ISM1: variants seen among roughly 807,000 people sequenced by gnomAD.
ISM1 encodes the protein isthmin 1.
A neutral mutation model predicts 46.3 loss-of-function variants in ISM1; 25 were observed. The observed-to-expected ratio is 0.54, with a 90% CI of 0.39 to 0.75. The LOEUF (loss-of-function observed/expected upper bound fraction) is 0.75. Among genes scored for constraint, ISM1 ranks in the 30% least tolerant of loss-of-function variants. The pLI is 0.00. For synonymous variants in ISM1, 255 were observed against 256.7 expected (o/e 0.99, Z 0.06); for missense variants, 536 against 625.4 (o/e 0.86, Z 1.52).
chr20:13,259,832 G>A lies in ISM1; in HGVS notation c.139-10672G>A, dbSNP rs146755690. On this transcript the variant is annotated intron_variant, in intron 1 of 5. Transcript: ENST00000262487. ...ATTAAATACTTTGGGGCAGGCCTGT[G>A]CCCCAATACTAAGTGATAAACTTGC... 3.2e-3 allele frequency among the ~76,000 whole-genome samples: 484 copies of A among 152,292 alleles called. 4 individuals carry two copies. The highest frequency in any genetic ancestry group is 0.011 in the African/African-American group (458 of 41,556).
the ISM1 span, among the ~76,000 whole-genome samples, chr20:13,317,129 G>A: frequency 6.6e-6 from 1 of 151,794 alleles, no homozygotes; most frequent in African/African-American, 2.4e-5. Context: ...GTTCATTGCT[G>A]TATACCAACA....
At chr20:13,240,643 T>C (rs1023206094) in intron 1 of ISM1, among the ~76,000 whole-genome samples, 1 of 152,188 alleles carries the variant, frequency 6.6e-6, no homozygotes, top group African/African-American at 2.4e-5. Context: ...GAAGCAGCCA[T>C]TGAAGAGCTT....
intron 4 of ISM1, among the ~76,000 whole-genome samples, chr20:13,290,872 T>C (rs926017020): frequency 6.6e-6 from 1 of 152,232 alleles, no homozygotes; most frequent in Admixed American, 6.5e-5. Flanking sequence ...CATAGAGGAT[T>C]AACTTGCCTA....
chr20:13,278,196 T>C (rs896405665), intron 2 of ISM1, among the ~76,000 whole-genome samples: 1 of 152,166 alleles, frequency 6.6e-6, no homozygotes, highest in Non-Finnish European at 1.5e-5. Flanking sequence ...TAAACAAGTC[T>C]CTCTACGTTG....
At chr20:13,260,899 A>G (rs1476403380) in intron 1 of ISM1, among the ~76,000 whole-genome samples, 1 of 152,122 alleles carries the variant, frequency 6.6e-6, no homozygotes, top group Non-Finnish European at 1.5e-5. Flanking sequence ...CCAGGGCTGG[A>G]TGGTCTAGGA....
chr20:13,314,171 G>C, the ISM1 span, among the ~76,000 whole-genome samples: 12 of 152,016 alleles, frequency 7.9e-5, no homozygotes, highest in Admixed American at 2.6e-4. Context: ...CACATAATGG[G>C]AATACAAGAA....
In ISM1 at chr20:13,221,388, C is replaced by A. The variant is rs959330333; in HGVS notation, c.-389C>A. Among the ~76,000 whole-genome samples, 14 of 147,740 alleles carry A rather than the reference C, an allele frequency of 9.5e-5. No individual in the cohort carries two copies. Among genetic ancestry groups the A allele is most frequent in the Admixed American group, 4.0e-4 (6 of 14,948 alleles). On this transcript the variant is annotated 5_prime_UTR_variant, in exon 1 of 6. Coordinates refer to ENST00000262487, the MANE Select transcript of ISM1 (RefSeq NM_080826.2). ...GGCTCGGCTGCGCCCGCCCCGCCGC[C>A]GACCCCGCAGCCCCCTGCCAGCAGG...
chr20:13,271,043 A>C (rs865818999), intron 2 of ISM1, among the ~76,000 whole-genome samples: 1 of 152,380 alleles, frequency 6.6e-6, no homozygotes, highest in Middle Eastern at 3.4e-3. Flanking sequence ...ATATAAAAGC[A>C]AAACAAAACA....
chr20:13,283,463 G>A lies in ISM1; in HGVS notation c.643+3565G>A, dbSNP rs117139003. On this transcript the variant is annotated intron_variant, in intron 3 of 5. Transcript: ENST00000262487. ...TTAGTAAGAATTTATATATTTGTCC[G>A]CAAGGATTATTTCTAAAAATCCTAG... Among the ~76,000 whole-genome samples the A allele has an allele frequency of 2.0e-4, 31 of 152,210 alleles. No individual in the cohort carries two copies. In the South Asian group the frequency reaches 4.6e-3, roughly 22 times the overall value.
intron 1 of ISM1, among the ~76,000 whole-genome samples, chr20:13,229,158 A>AT (rs578016940): frequency 2.1e-3 from 255 of 122,348 alleles, no homozygotes; most frequent in Non-Finnish European, 3.3e-3. Flanking sequence ...CTCTTTCTGC[A>AT]TTTTTTAAAG....
chr20:13,312,988 A>G, the ISM1 span, among the ~76,000 whole-genome samples: 1 of 152,166 alleles, frequency 6.6e-6, no homozygotes, highest in Non-Finnish European at 1.5e-5. Flanking sequence ...TGGAGGAAGT[A>G]AAATTTGAGC....
chr20:13,242,959 A>C (rs1425706009), intron 1 of ISM1, among the ~76,000 whole-genome samples: 2 of 152,212 alleles, frequency 1.3e-5, no homozygotes, highest in South Asian at 2.1e-4. Flanking sequence ...CGTCAAAACA[A>C]CACCTTGAGG....
At chr20:13,286,284 T>G (rs570146326) in intron 3 of ISM1, among the ~76,000 whole-genome samples, 1 of 151,792 alleles carries the variant, frequency 6.6e-6, no homozygotes, top group East Asian at 1.9e-4. Context: ...CTGGTGCCCT[T>G]GGGGAGGTGA....
intron 1 of ISM1, chr20:13,244,442 G>A (rs1033496994): frequency 5.3e-5 from 8 of 150,834 alleles, no homozygotes; most frequent in South Asian, 2.1e-4. Flanking sequence ...TCACTTATTC[G>A]GACATTACAT....
At chr20:13,326,159 T>C in the ISM1 span, among the ~76,000 whole-genome samples, 1 of 152,242 alleles carries the variant, frequency 6.6e-6, no homozygotes, top group Admixed American at 6.5e-5. Flanking sequence ...TTCTTTTTTA[T>C]TGCTGAGTAG....
downstream of ISM1, among the ~76,000 whole-genome samples, chr20:13,300,845 C>T (rs2040451851): frequency 6.6e-6 from 1 of 152,104 alleles, no homozygotes; most frequent in Non-Finnish European, 1.5e-5. Flanking sequence ...GAGGCTGAGG[C>T]CCATTGACAC....
intron 1 of ISM1, among the ~76,000 whole-genome samples, chr20:13,228,161 T>C (rs12625749): frequency 0.29 from 43,766 of 151,470 alleles, 6,604 homozygotes; most frequent in African/African-American, 0.39. Context: ...TTAGTAGAGA[T>C]GGAGTTTCAC....
intron 1 of ISM1, among the ~76,000 whole-genome samples, chr20:13,223,950 C>T (rs777443654): frequency 2.1e-4 from 32 of 152,066 alleles, no homozygotes; most frequent in Middle Eastern, 3.4e-3. Flanking sequence ...TGGCCTTTTC[C>T]GCTTGAACAG....
At chr20:13,298,846 G>A in intron 5 of ISM1, 96 bp from the exon 6 acceptor site, 1 of 1,254,720 alleles carries the variant, frequency 8.0e-7, no homozygotes, top group Non-Finnish European at 1.1e-6. Context: ...CCTCCTGCGG[G>A]CCCTCAGGAG....
Sources: gnomAD v4.1 joint callset for allele counts (sites outside exome capture counted in the v4.1 genomes callset) on GRCh38, gnomAD v4.1.1 for gene constraint, MANE v1.5 for transcripts, NCBI Gene and HGNC (gene_info 2026-07-23, HGNC 2026-07-21) for gene names.